DENND1C: variants seen among roughly 807,000 people sequenced by gnomAD.
DENND1C encodes DENN domain-containing protein 1C.
In DENND1C, 64 loss-of-function variants were observed where a neutral mutation model predicts 87.9. The ratio of observed to expected loss-of-function variants is 0.73; its 90% CI spans 0.60 to 0.90. DENND1C has a LOEUF of 0.90. DENND1C is among the 40% of genes least tolerant of loss of function. The pLI is 0.00. For synonymous variants in DENND1C, 384 were observed against 424.4 expected (o/e 0.90, Z 1.17); for missense variants, 980 against 1,037.0 (o/e 0.95, Z 0.76).
At chr19:6,480,604 A>C in intron 1 of DENND1C, 1 of 396,802 alleles carries the variant, frequency 2.5e-6, no homozygotes, top group African/African-American at 2.7e-5. Context: ...CTATCTATCT[A>C]TCTATCTATC....
Position 6,479,912 on chromosome 19 carries a change from A to G in DENND1C, c.83-10T>C, listed in dbSNP as rs1426306642. 1.2e-6 allele frequency: 2 copies of G among 1,600,572 alleles called. No individual in the cohort carries two copies. On this transcript the variant is annotated splice_polypyrimidine_tract_variant and intron_variant, in intron 2 of 22. Transcript: ENST00000381480. ...CGCAGGATGGGGGGATCTGTAGAAGAGAGCACGCCTCTAAGTTCAGCGACC... is the reference window on the plus strand; with the variant it reads ...CGCAGGATGGGGGGATCTGTAGAAGGGAGCACGCCTCTAAGTTCAGCGACC...
At chr19:6,476,043 C>T in intron 10 of DENND1C, 106 bp from the exon 11 acceptor site, 1 of 1,055,674 alleles carries the variant, frequency 9.5e-7, no homozygotes, top group Admixed American at 2.9e-5. Context: ...CCCTCCCCAT[C>T]CACTGCTGGA....
chr19:6,481,023 T>C (rs914952039), intron 1 of DENND1C, among the ~76,000 whole-genome samples: 3 of 151,958 alleles, frequency 2.0e-5, no homozygotes, highest in Non-Finnish European at 4.4e-5. Flanking sequence ...CCTTGTGGGC[T>C]GGCTGTGTGT....
intron 17 of DENND1C, 133 bp downstream of exon 17, chr19:6,471,132 G>T (rs995734739): frequency 1.1e-5 from 14 of 1,253,218 alleles, no homozygotes; most frequent in Non-Finnish European, 1.4e-5. Flanking sequence ...TTTCAGTAGA[G>T]ATGGGGTTTC....
In DENND1C at chr19:6,478,832, A is replaced by C. The variant is rs763455375; in HGVS notation, c.317T>G (p.Val106Gly). Residue 106 changes from valine to glycine, a missense_variant, in exon 6 of 23, where the codon GTG (valine) becomes GGG (glycine). Coordinates refer to ENST00000381480, the MANE Select transcript of DENND1C (RefSeq NM_024898.4). The part of the protein sequence containing the change: ...CILSHLPWFE[V>G]FYKLLNTVGD... ...CACTGTGTTCAATAGCTTGTAAAACACCTCGAACCAAGGCAGGTGGCTGTG... is the reference window on the plus strand; with the variant it reads ...CACTGTGTTCAATAGCTTGTAAAACCCCTCGAACCAAGGCAGGTGGCTGTG... The C allele has an allele frequency of 6.2e-7, 1 of 1,613,668 alleles. No individual in the cohort carries two copies. The highest frequency in any genetic ancestry group is 8.5e-7 in the Non-Finnish European group (1 of 1,179,788).
At chr19:6,477,324 C>A in intron 7 of DENND1C, 41 bp from the exon 8 acceptor site, 42 of 1,606,860 alleles carry the variant, frequency 2.6e-5, no homozygotes, top group Non-Finnish European at 3.6e-5. Context: ...ATGGCTGGGA[C>A]GCAGCCTTCC....
chr19:6,471,355 G>A, intron 16 of DENND1C, 50 bp from the exon 17 acceptor site: 3 of 1,589,696 alleles, frequency 1.9e-6, no homozygotes, highest in Non-Finnish European at 2.6e-6. Flanking sequence ...CTGAGGCTGG[G>A]GGTGCTGGTG....
At position 6,468,282 on chromosome 19, in the gene DENND1C, C is replaced by T. The variant is rs2092807215; in HGVS notation, c.1743G>A (p.Gln581=). Residue 581 remains glutamine (Q), a synonymous_variant, in exon 22 of 23, where the codon CAG becomes CAA. Transcript: ENST00000381480. The stretch of plus-strand genomic sequence containing the variant: ...CTCCTCTGTGACAGCAGTCTAAACT[C>T]TGGCTCGGTCTCAGGCTGCCTGCGC... ...AKSAGSLRPS[Q]SLDCCHRGDL... 1 of 1,613,606 alleles carries T rather than the reference C, an allele frequency of 6.2e-7. No individual in the cohort carries two copies. Among genetic ancestry groups the T allele is most frequent in the African/African-American group, 1.3e-5 (1 of 74,912 alleles).
Position 6,478,825 on chromosome 19 carries a change from G to C in DENND1C, c.324C>G (p.Tyr108Ter), listed in dbSNP as rs1439967705. 6.2e-7 allele frequency: 1 copy of C among 1,613,688 alleles called. No homozygotes were observed. The highest frequency in any genetic ancestry group is 8.5e-7 in the Non-Finnish European group (1 of 1,179,774). The stretch of plus-strand genomic sequence containing the variant: ...GGTCTCCCACTGTGTTCAATAGCTT[G>C]TAAAACACCTCGAACCAAGGCAGGT... ...LSHLPWFEVF[Y>*]KLLNTVGDLL... Residue 108 changes from tyrosine to a stop codon, truncating the protein, a stop_gained, in exon 6 of 23, where the codon TAC (tyrosine) becomes TAG (stop). Transcript: ENST00000381480. LOFTEE classifies it high-confidence loss of function.
intron 18 of DENND1C, 84 bp from the exon 19 acceptor site, chr19:6,469,724 CT>C (rs372634707): frequency 0.014 from 16,771 of 1,233,770 alleles, no homozygotes; most frequent in Admixed American, 0.02. Flanking sequence ...CCTAAGATAG[CT>C]TTTTTTTTTG....
At position 6,475,758 on chromosome 19, in the gene DENND1C, A is replaced by G. The variant is rs749394084; in HGVS notation, c.780-7T>C. 4.5e-6 allele frequency: 7 copies of G among 1,554,602 alleles called. No individual in the cohort carries two copies. The South Asian group carries it at 7.1e-5, about 16-fold the overall frequency. ...GAGGTAGGGCATGGGCGCGCTGCGG[A>G]CCGAGGGGACGGGGTCATGCAGGCA... On this transcript the variant is annotated splice_polypyrimidine_tract_variant and splice_region_variant and intron_variant, in intron 11 of 22. Transcript: ENST00000381480.
chr19:6,478,095 G>A (rs1006040438), intron 6 of DENND1C, among the ~76,000 whole-genome samples: 1 of 151,804 alleles, frequency 6.6e-6, no homozygotes, highest in Non-Finnish European at 1.5e-5. Context: ...TTTTTCTTGA[G>A]ACAGGGTCTT....
chr19:6,478,762 T>C (rs760528211), intron 6 of DENND1C, 21 bp downstream of exon 6: 7 of 1,604,342 alleles, frequency 4.4e-6, no homozygotes, highest in Non-Finnish European at 6.0e-6. Flanking sequence ...CCCACAGGAG[T>C]GAGAGAGGGG....
chr19:6,470,560 AGT>A (rs978220530), intron 17 of DENND1C, among the ~76,000 whole-genome samples, 194 bp from the exon 18 acceptor site: 1 of 149,772 alleles, frequency 6.7e-6, no homozygotes, highest in Non-Finnish European at 1.5e-5. Flanking sequence ...GACACACTTA[AGT>A]GTTTTGTTTT....
chr19:6,470,681 G>C lies in DENND1C; in HGVS notation c.1291-315C>G, dbSNP rs1313823540. On this transcript the variant is annotated intron_variant, in intron 17 of 22. Coordinates refer to ENST00000381480, the MANE Select transcript of DENND1C (RefSeq NM_024898.4). Reference sequence around the variant, plus strand: ...CTGTTACCCAGGCTGGAATGTAGTGGTGCCATCTCGGCTCACTGCAACCTC... The same window carrying C: ...CTGTTACCCAGGCTGGAATGTAGTGCTGCCATCTCGGCTCACTGCAACCTC... Among the ~76,000 whole-genome samples, 3 of 138,824 alleles carry C rather than the reference G, an allele frequency of 2.2e-5. No individual in the cohort carries two copies. In the Admixed American group the frequency reaches 2.3e-4, roughly 11 times the overall value. The allele number at this position is 138,824 out of a possible 152,430, so 91.1% of individuals were successfully genotyped here.
At chr19:6,472,535 C>T (rs142608060) in intron 15 of DENND1C, among the ~76,000 whole-genome samples, 1,847 of 152,208 alleles carry the variant, frequency 0.012, 38 homozygotes, top group African/African-American at 0.042. Flanking sequence ...GGATTATAGG[C>T]GCACGCCACC....
chr19:6,474,783 C>T (rs1470127865), intron 14 of DENND1C, among the ~76,000 whole-genome samples: 5 of 151,878 alleles, frequency 3.3e-5, no homozygotes, highest in South Asian at 2.1e-4. Flanking sequence ...TATATAGAGA[C>T]GGTGGCCGGG....
chr19:6,473,224 A>G (rs1388004877), intron 14 of DENND1C, among the ~76,000 whole-genome samples: 2 of 152,192 alleles, frequency 1.3e-5, no homozygotes, highest in South Asian at 2.1e-4. Flanking sequence ...GCGTGATCTC[A>G]GCTCACTGCA....
intron 9 of DENND1C, 51 bp from the exon 10 acceptor site, chr19:6,477,018 T>C: frequency 6.2e-7 from 1 of 1,613,316 alleles, no homozygotes. Flanking sequence ...GGATCTTGCA[T>C]CCCCGGTCCG....
Sources: allele counts gnomAD v4.1 joint callset (sites outside exome capture counted in the v4.1 genomes callset), GRCh38; gene constraint gnomAD v4.1.1; transcripts MANE v1.5; gene names NCBI Gene and HGNC (gene_info 2026-07-23, HGNC 2026-07-21).